The following PHACTR1 variants were observed in gnomAD, a reference collection of about 807,000 sequenced individuals.
PHACTR1 encodes the protein phosphatase and actin regulator 1.
A neutral mutation model predicts 69.2 loss-of-function variants in PHACTR1; 16 were observed. The ratio of observed to expected loss-of-function variants is 0.23; its 90% CI spans 0.16 to 0.35. The LOEUF (loss-of-function observed/expected upper bound fraction) is 0.35, where lower values mean the gene tolerates loss of function less well. Among genes scored for constraint, PHACTR1 ranks in the 10% least tolerant of loss-of-function variants. The probability of loss-of-function intolerance (pLI) is 1.00; values close to 1 mark genes in which losing one functional copy is unlikely to be tolerated. For synonymous variants in PHACTR1, 312 were observed against 284.5 expected (o/e 1.10, Z -0.97); for missense variants, 510 against 734.7 (o/e 0.69, Z 3.54).
intron 5 of PHACTR1, among the ~76,000 whole-genome samples, chr6:13,144,389 T>C (rs1349152573): frequency 6.6e-6 from 1 of 152,162 alleles, no homozygotes; most frequent in East Asian, 1.9e-4. Context: ...TAAAAATAAA[T>C]TGTATTGCTA....
At chr6:13,278,374 C>T (rs1194811411) in intron 12 of PHACTR1, 45 bp downstream of exon 12, 1 of 1,536,134 alleles carries the variant, frequency 6.5e-7, no homozygotes, top group Non-Finnish European at 8.9e-7. Context: ...AGAGGGTGGG[C>T]TGCCTGCCAC....
At chr6:12,953,800 G>C (rs986263735) in intron 4 of PHACTR1, among the ~76,000 whole-genome samples, 1 of 152,218 alleles carries the variant, frequency 6.6e-6, no homozygotes, top group Non-Finnish European at 1.5e-5. Context: ...CAAGGGATTA[G>C]AGAGTCAGAA....
intron 5 of PHACTR1, among the ~76,000 whole-genome samples, chr6:13,141,461 GACATTTATTTCAAAATAAGTGTAAAAAT>G (rs1822422503): frequency 1.3e-5 from 2 of 152,192 alleles, no homozygotes; most frequent in South Asian, 4.1e-4. Flanking sequence ...CTATGCGTGT[GACATTTATTTCAAAATAAGTGTAAAAAT>G]ACTCGTCAAA....
chr6:12,731,436 G>A (rs1377343684), intron 3 of PHACTR1, among the ~76,000 whole-genome samples: 3 of 152,180 alleles, frequency 2.0e-5, no homozygotes, highest in African/African-American at 7.2e-5. Context: ...TAGCCCAATT[G>A]AATTCTTGTC....
chr6:13,133,045 C>G (rs777772958), intron 5 of PHACTR1, among the ~76,000 whole-genome samples: 2 of 152,166 alleles, frequency 1.3e-5, no homozygotes, highest in African/African-American at 2.4e-5. Context: ...ATATAATATT[C>G]TCAATCCTTT....
At chr6:13,007,632 T>C (rs1798951037) in intron 4 of PHACTR1, among the ~76,000 whole-genome samples, 1 of 150,820 alleles carries the variant, frequency 6.6e-6, no homozygotes, top group Admixed American at 6.6e-5. Flanking sequence ...ATATTCACTC[T>C]GAAAACATGG....
chr6:12,865,471 T>C (rs545281613), intron 4 of PHACTR1, among the ~76,000 whole-genome samples: 1 of 146,108 alleles, frequency 6.8e-6, no homozygotes, highest in Non-Finnish European at 1.5e-5. Context: ...TGTGTGTGTG[T>C]GTGTGTGTGC....
chr6:13,114,116 C>T (rs550995266), intron 5 of PHACTR1, among the ~76,000 whole-genome samples: 3 of 152,150 alleles, frequency 2.0e-5, no homozygotes, highest in Non-Finnish European at 2.9e-5. Context: ...GGCTTCCCTG[C>T]CCCCCATTTC....
chr6:13,263,049 C>T (rs929947680), intron 10 of PHACTR1, among the ~76,000 whole-genome samples: 1 of 152,180 alleles, frequency 6.6e-6, no homozygotes, highest in Non-Finnish European at 1.5e-5. Context: ...CAACTAATCT[C>T]TGTCAGCCTC....
rs761069402 is a variant in PHACTR1 at position 13,277,518 on chromosome 6, G to A, written c.1448-750G>A. ...CTCTCTCTACACCCACAGGGCACCA[G>A]ACACAAGGACTATACCACAATGAGC... On this transcript the variant is annotated intron_variant, in intron 11 of 14. Transcript: ENST00000332995. 2.4e-4 allele frequency among the ~76,000 whole-genome samples: 37 copies of A among 152,184 alleles called. 1 individual carries two copies. The highest frequency in any genetic ancestry group is 4.6e-4 in the Admixed American group (7 of 15,282).
At chr6:12,987,628 A>G (rs1456052197) in intron 4 of PHACTR1, among the ~76,000 whole-genome samples, 1 of 152,150 alleles carries the variant, frequency 6.6e-6, no homozygotes, top group African/African-American at 2.4e-5. Flanking sequence ...TGGGATAAAA[A>G]TAGTTCTTGA....
At chr6:12,746,270 A>C (rs1765773862) in intron 3 of PHACTR1, among the ~76,000 whole-genome samples, 1 of 152,262 alleles carries the variant, frequency 6.6e-6, no homozygotes, top group Non-Finnish European at 1.5e-5. Flanking sequence ...ACAATGGCTC[A>C]GGCCTGTAAT....
At chr6:13,239,943 G>A (rs1043737153) in intron 10 of PHACTR1, among the ~76,000 whole-genome samples, 1 of 152,098 alleles carries the variant, frequency 6.6e-6, no homozygotes, top group Non-Finnish European at 1.5e-5. Flanking sequence ...GGCTGCCCCG[G>A]CAGTCTGTAC....
chr6:13,191,880 T>C (rs1240233130), intron 7 of PHACTR1, among the ~76,000 whole-genome samples: 2 of 152,250 alleles, frequency 1.3e-5, no homozygotes, highest in Non-Finnish European at 2.9e-5. Context: ...GTTTTTCCAG[T>C]CTTGTTTCTA....
At chr6:12,785,020 T>C (rs1771365569) in intron 4 of PHACTR1, among the ~76,000 whole-genome samples, 1 of 151,590 alleles carries the variant, frequency 6.6e-6, no homozygotes, top group Non-Finnish European at 1.5e-5. Context: ...TATTTTATAT[T>C]ATACATATAT....
intron 5 of PHACTR1, among the ~76,000 whole-genome samples, chr6:13,083,695 C>A (rs1398001004): frequency 6.6e-6 from 1 of 152,034 alleles, no homozygotes; most frequent in Non-Finnish European, 1.5e-5. Flanking sequence ...GTGTTTTATT[C>A]TCTTTGAAGC....
At chr6:13,203,519 G>A (rs1765508594) in intron 7 of PHACTR1, among the ~76,000 whole-genome samples, 1 of 152,150 alleles carries the variant, frequency 6.6e-6, no homozygotes, top group Non-Finnish European at 1.5e-5. Flanking sequence ...CGTCATTCCT[G>A]CTATCATCAT....
chr6:12,875,273 C>T (rs770363657), intron 4 of PHACTR1, among the ~76,000 whole-genome samples: 1 of 152,310 alleles, frequency 6.6e-6, no homozygotes, highest in Middle Eastern at 3.4e-3. Flanking sequence ...CATCGTGACT[C>T]CACAGGGTTC....
chr6:13,280,641 C>A, intron 12 of PHACTR1: 1 of 292,232 alleles, frequency 3.4e-6, no homozygotes, highest in African/African-American at 2.2e-5. Context: ...AGCGTAGTAA[C>A]TGAGGCTGAT....
Sources: gnomAD v4.1 joint callset for allele counts (sites outside exome capture counted in the v4.1 genomes callset) on GRCh38, gnomAD v4.1.1 for gene constraint, MANE v1.5 for transcripts, NCBI Gene and HGNC (gene_info 2026-07-23, HGNC 2026-07-21) for gene names.